GPR135: variants seen among roughly 807,000 people sequenced by gnomAD.
GPR135 encodes the protein G-protein coupled receptor 135.
A neutral mutation model predicts 15.0 loss-of-function variants in GPR135; 17 were observed. The ratio of observed to expected loss-of-function variants is 1.13; its 90% CI spans 0.78 to 1.70. The LOEUF is 1.70. GPR135 is among the 40% of genes most tolerant of loss of function. The probability of loss-of-function intolerance (pLI) is 0.00; values close to 1 mark genes in which losing one functional copy is unlikely to be tolerated. For missense variants in GPR135, 776 were observed against 727.0 expected (o/e 1.07, Z -0.78); for synonymous variants, 368 against 349.4 (o/e 1.05, Z -0.59).
downstream of GPR135, among the ~76,000 whole-genome samples, chr14:59,456,005 G>T (rs1888639490): frequency 6.6e-6 from 1 of 152,138 alleles, no homozygotes; most frequent in Non-Finnish European, 1.5e-5. Flanking sequence ...ATGTCTTCCT[G>T]ATTAGAAAGA....
At position 59,463,809 on chromosome 14, in the gene GPR135, C is replaced by A; in HGVS notation, c.1418G>T (p.Gly473Val). 1 of 1,614,052 alleles carries A rather than the reference C, an allele frequency of 6.2e-7. No individual in the cohort carries two copies. Among genetic ancestry groups the A allele is most frequent in the Non-Finnish European group, 8.5e-7 (1 of 1,179,948 alleles). The change falls in exon 1 of 1, where the codon GGA becomes GTA. Residue 473 changes from glycine to valine, a missense_variant. Gly to Val is a moderately radical substitution (Grantham distance 109, BLOSUM62 -3). Coordinates refer to ENST00000395116, the MANE Select transcript of GPR135 (RefSeq NM_022571.6). The part of the protein sequence containing the change: ...KNPVVLFCRE[G>V]PPEPVTAVTK... ...CACTGCCGTCACCGGCTCTGGTGGTCCCTCTCGGCAGAAAAGTACAACTGG... is the reference window on the plus strand; with the variant it reads ...CACTGCCGTCACCGGCTCTGGTGGTACCTCTCGGCAGAAAAGTACAACTGG...
chr14:59,465,213 T>A lies in GPR135; in HGVS notation c.14A>T (p.Gln5Leu), dbSNP rs1752428. The A allele has an allele frequency of 8.0e-7, 1 of 1,247,110 alleles. No homozygotes were observed. Among genetic ancestry groups the A allele is most frequent in the Non-Finnish European group, 1.0e-6 (1 of 997,664 alleles). The allele number at this position is 1,247,110 out of a possible 1,614,324, so 77.3% of individuals were successfully genotyped here. Reference protein sequence around the residue: MEEPQPPRPPASMAL... With the variant: MEEPLPPRPPASMAL... Reference sequence around the variant, plus strand: ...CATGCTCGCTGGTGGGCGGGGCGGCTGCGGCTCCTCCATGGGGCCCAGTGG... The same window carrying A: ...CATGCTCGCTGGTGGGCGGGGCGGCAGCGGCTCCTCCATGGGGCCCAGTGG... The change falls in exon 1 of 1, where the codon CAG (glutamine) becomes CTG (leucine). Residue 5 changes from glutamine to leucine, a missense_variant. By Grantham distance (113) the Gln-to-Leu change is moderately radical (BLOSUM62 -2). Coordinates refer to ENST00000395116, the MANE Select transcript of GPR135 (RefSeq NM_022571.6).
chr14:59,457,976 G>A (rs1888720653), downstream of GPR135, among the ~76,000 whole-genome samples: 1 of 152,160 alleles, frequency 6.6e-6, no homozygotes, highest in South Asian at 2.1e-4. Context: ...AACCCTCATG[G>A]AACAACTCTG....
intron 6 of GPR135, among the ~76,000 whole-genome samples, chr14:59,453,725 G>C (rs1487005033): frequency 6.6e-6 from 1 of 152,178 alleles, no homozygotes; most frequent in African/African-American, 2.4e-5. Context: ...GAACAGATTG[G>C]GGAAAAGGGA....
chr14:59,457,726 T>C (rs186183965), downstream of GPR135, among the ~76,000 whole-genome samples: 30 of 151,958 alleles, frequency 2.0e-4, no homozygotes, highest in African/African-American at 5.6e-4. Context: ...CAACATGCCT[T>C]CTTTTACTTA....
chr14:59,462,937 T>C lies in GPR135; in HGVS notation c.*805A>G, dbSNP rs1888922086. Reference sequence around the variant, plus strand: ...ATGTGAAAGCATTCTGAGAGCAGCATTCCAAAATTTATCAGAAATAAAAGT... The same window carrying C: ...ATGTGAAAGCATTCTGAGAGCAGCACTCCAAAATTTATCAGAAATAAAAGT... On this transcript the variant is annotated 3_prime_UTR_variant, in exon 1 of 1. Transcript: ENST00000395116. 1 of 152,206 alleles carries C rather than the reference T, an allele frequency of 6.6e-6. No individual in the cohort carries two copies. Among genetic ancestry groups the C allele is most frequent in the African/African-American group, 2.4e-5 (1 of 41,468 alleles). The allele number at this position is 152,206 out of a possible 1,614,324, so 9.4% of individuals were successfully genotyped here.
intron 6 of GPR135, among the ~76,000 whole-genome samples, chr14:59,453,619 G>A (rs1271510): frequency 0.021 from 3,205 of 152,210 alleles, 113 homozygotes; most frequent in African/African-American, 0.073. Context: ...TGGATGTTAA[G>A]GTGGGTTTCT....
downstream of GPR135, chr14:59,460,358 T>C (rs1268984690): frequency 6.6e-6 from 1 of 152,242 alleles, no homozygotes; most frequent in Non-Finnish European, 1.5e-5. Flanking sequence ...TTTTCCAAAT[T>C]AGAAACAAAA....
Position 59,465,046 on chromosome 14 carries a change from C to T in GPR135, c.181G>A (p.Gly61Ser), listed in dbSNP as rs768775509. Residue 61 changes from glycine to serine, a missense_variant, in exon 1 of 1, where the codon GGC (glycine) becomes AGC (serine). By Grantham distance (56) the Gly-to-Ser change is moderately conservative. Coordinates refer to ENST00000395116, the MANE Select transcript of GPR135 (RefSeq NM_022571.6). ...CCACCGGGAGCGGCAGCTGTGCCGC[C>T]TCCGCTTGCGTCGCTCAGGTTCCCC... ...ALGNLSDASG[G>S]GTAAAPGGGG... 7.8e-4 allele frequency: 1,059 copies of T among 1,351,020 alleles called. 2 individuals carry two copies. Among genetic ancestry groups the T allele is most frequent in the Non-Finnish European group, 8.9e-4 (939 of 1,054,396 alleles). The allele number at this position is 1,351,020 out of a possible 1,614,324, so 83.7% of individuals were successfully genotyped here. A position where few individuals can be genotyped will look rare whatever the true frequency, so the allele number is the denominator to read the frequency against.
In GPR135 at chr14:59,453,403, A is replaced by C. The variant is rs370344892; in HGVS notation, c.*874+2281T>G. ...GAACCTAAAGATGCTCTGAAAAATA[A>C]AGCCTACTAAAAAAAAGTTGAAAAG... On this transcript the variant is annotated intron_variant and NMD_transcript_variant, in intron 6 of 6. Coordinates refer to the GPR135 transcript ENST00000481661. Among the ~76,000 whole-genome samples the C allele has an allele frequency of 2.0e-5, 3 of 152,332 alleles. No homozygotes were observed. In the East Asian group the frequency reaches 5.8e-4, roughly 29 times the overall value.
rs755142012 is a variant in GPR135 at position 59,464,652 on chromosome 14, G to A, written c.575C>T (p.Ser192Leu). ...GFCAASRFFS[S>L]CFGIVSTLSV... ...GAGCGTGGACACGATGCCGAAGCACGAGCTGAAGAAGCGGCTGGCGGCGCA... is the reference window on the plus strand; with the variant it reads ...GAGCGTGGACACGATGCCGAAGCACAAGCTGAAGAAGCGGCTGGCGGCGCA... Residue 192 changes from serine (S) to leucine (L), a missense_variant, in exon 1 of 1, where the codon TCG (serine) becomes TTG (leucine). Coordinates refer to ENST00000395116, the MANE Select transcript of GPR135 (RefSeq NM_022571.6). 1.9e-5 allele frequency: 30 copies of A among 1,596,752 alleles called. No homozygotes were observed. Among genetic ancestry groups the A allele is most frequent in the Non-Finnish European group, 2.4e-5 (28 of 1,177,376 alleles).
At chr14:59,454,623 T>C (rs1888592578) in intron 6 of GPR135, among the ~76,000 whole-genome samples, 3 of 152,060 alleles carry the variant, frequency 2.0e-5, no homozygotes, top group South Asian at 4.1e-4. Context: ...GGATTTTCTG[T>C]ACTAAAGGAG....
In GPR135 at chr14:59,464,129, C is replaced by A; in HGVS notation, c.1098G>T (p.Ser366=). 6.2e-7 allele frequency: 1 copy of A among 1,610,144 alleles called. No homozygotes were observed. Residue 366 remains serine (S), a synonymous_variant, in exon 1 of 1, where the codon TCG becomes TCT. Transcript: ENST00000395116. Reference sequence around the variant, plus strand: ...GCCAGACGGCCACCACGCTGAGGAGCGAGGGGGCCTGCATGGTCTGGGCCT... The same window carrying A: ...GCCAGACGGCCACCACGCTGAGGAGAGAGGGGGCCTGCATGGTCTGGGCCT... ...ARQAQTMQAP[S]LLSVVAVWLT... is the part of the protein sequence containing the mutation.
At chr14:59,456,668 G>C (rs1003957589), downstream of GPR135, 1 of 152,176 alleles carries the variant, frequency 6.6e-6, no homozygotes. Context: ...AATGTTTTAT[G>C]TGTAAGTTGC....
chr14:59,463,445 C>T lies in GPR135; in HGVS notation c.*297G>A. On this transcript the variant is annotated 3_prime_UTR_variant, in exon 1 of 1. Transcript: ENST00000395116. ...GTTTTGTTTGTTTCACAGTGTGGTC[C>T]TATAATATGAGCTTTTCAGTTATAG... 2.6e-6 allele frequency: 1 copy of T among 391,670 alleles called. No individual in the cohort carries two copies. Among genetic ancestry groups the T allele is most frequent in the Non-Finnish European group, 4.6e-6 (1 of 217,988 alleles). The allele number at this position is 391,670 out of a possible 1,614,324, so 24.3% of individuals were successfully genotyped here. A position where few individuals can be genotyped will look rare whatever the true frequency, so the allele number is the denominator to read the frequency against.
chr14:59,456,036 C>A (rs1476257409), downstream of GPR135, among the ~76,000 whole-genome samples: 1 of 152,068 alleles, frequency 6.6e-6, no homozygotes, highest in African/African-American at 2.4e-5. Context: ...TGGAAAAAGC[C>A]CTTATTCTCC....
In GPR135 at chr14:59,464,177, C is replaced by T. The variant is rs1326532489; in HGVS notation, c.1050G>A (p.Leu350=). The change falls in exon 1 of 1, where the codon CTG becomes CTA. Residue 350 remains leucine (L), a synonymous_variant. Coordinates refer to ENST00000395116, the MANE Select transcript of GPR135 (RefSeq NM_022571.6). ...CCTGCCGGGCGGCGGCCAGCAGCACCAGGAAGCAGTAGGGCCCCCAGCAGC... is the reference window on the plus strand; with the variant it reads ...CCTGCCGGGCGGCGGCCAGCAGCACTAGGAAGCAGTAGGGCCCCCAGCAGC... ...VICCWGPYCF[L]VLLAAARQAQ... The T allele has an allele frequency of 6.2e-7, 1 of 1,609,268 alleles. No individual in the cohort carries two copies. Among genetic ancestry groups the T allele is most frequent in the Non-Finnish European group, 8.5e-7 (1 of 1,179,742 alleles).
downstream of GPR135, among the ~76,000 whole-genome samples, chr14:59,457,885 T>C (rs974187497): frequency 3.9e-5 from 6 of 152,226 alleles, no homozygotes; most frequent in Non-Finnish European, 7.3e-5. Flanking sequence ...TTTCTGTGCA[T>C]GTCTCATATA....
downstream of GPR135, chr14:59,460,480 C>G (rs553820224): frequency 6.6e-6 from 1 of 152,268 alleles, no homozygotes; most frequent in Non-Finnish European, 1.5e-5. Context: ...AGAGGCAGTA[C>G]AGAATAGCAG....
Sources: allele counts gnomAD v4.1 joint callset (sites outside exome capture counted in the v4.1 genomes callset), GRCh38; gene constraint gnomAD v4.1.1; transcripts MANE v1.5; gene names NCBI Gene and HGNC (gene_info 2026-07-23, HGNC 2026-07-21).